Variants in FBXW11 observed in about 807,000 individuals in gnomAD.
FBXW11 encodes F-box/WD repeat-containing protein 11.
A neutral mutation model predicts 77.6 loss-of-function variants in FBXW11; 19 were observed. The ratio of observed to expected loss-of-function variants is 0.24; its 90% CI spans 0.17 to 0.36. The LOEUF (loss-of-function observed/expected upper bound fraction) is 0.36, where lower values mean the gene tolerates loss of function less well. FBXW11 is among the 10% of genes least tolerant of loss of function. The pLI is 1.00. For missense variants in FBXW11, 334 were observed against 704.2 expected (o/e 0.47, Z 5.95); for synonymous variants, 235 against 249.4 (o/e 0.94, Z 0.54).
At chr5:171,924,460 T>C (rs2114001577) in intron 2 of FBXW11, among the ~76,000 whole-genome samples, 1 of 152,290 alleles carries the variant, frequency 6.6e-6, no homozygotes, top group South Asian at 2.1e-4. Flanking sequence ...TGGGGGACTA[T>C]GCCCATTTTG....
In FBXW11 at chr5:171,910,633, A is replaced by G; in HGVS notation, c.375T>C (p.His125=). 6.2e-7 allele frequency: 1 copy of G among 1,614,040 alleles called. No homozygotes were observed. The highest frequency in any genetic ancestry group is 8.5e-7 in the Non-Finnish European group (1 of 1,179,948). The change falls in exon 4 of 14, where the codon CAT becomes CAC. Residue 125 remains histidine (H), a synonymous_variant. Coordinates refer to ENST00000517395, the MANE Select transcript of FBXW11 (RefSeq NM_001378974.1). The stretch of plus-strand genomic sequence containing the variant: ...GCTTCAGGTAAGAGTTAATATGTCC[A>G]TGCTGATAATGACACATTCGTGAAA... The part of the protein sequence containing the change: ...HLISRMCHYQ[H]GHINSYLKPM...
At chr5:171,938,484 T>C (rs922962873) in intron 2 of FBXW11, among the ~76,000 whole-genome samples, 2 of 152,230 alleles carry the variant, frequency 1.3e-5, no homozygotes, top group Admixed American at 6.5e-5. Context: ...TTGGCAAATA[T>C]GTAGAATTGA....
At chr5:171,912,987 G>A (rs1485537866) in intron 3 of FBXW11, among the ~76,000 whole-genome samples, 1 of 151,794 alleles carries the variant, frequency 6.6e-6, no homozygotes, top group Non-Finnish European at 1.5e-5. Flanking sequence ...GCAAGATCCA[G>A]GATTTTATAA....
At chr5:171,989,966 AAG>A (rs909613644) in intron 1 of FBXW11, among the ~76,000 whole-genome samples, 2 of 152,162 alleles carry the variant, frequency 1.3e-5, no homozygotes, top group African/African-American at 2.4e-5. Flanking sequence ...GTTTGAGACA[AAG>A]AGAGAGAAAC....
At chr5:171,992,640 T>C (rs1168561651) in intron 1 of FBXW11, among the ~76,000 whole-genome samples, 1 of 152,178 alleles carries the variant, frequency 6.6e-6, no homozygotes, top group East Asian at 1.9e-4. Flanking sequence ...CATTCCTTTA[T>C]GTTGCCATTC....
chr5:171,885,561 T>C (rs1334223629), intron 7 of FBXW11, among the ~76,000 whole-genome samples: 1 of 152,234 alleles, frequency 6.6e-6, no homozygotes, highest in African/African-American at 2.4e-5. Flanking sequence ...ATTTTTCAGT[T>C]TGTTCAGATT....
chr5:171,927,521 A>C (rs545956574), intron 2 of FBXW11, among the ~76,000 whole-genome samples: 1 of 152,344 alleles, frequency 6.6e-6, no homozygotes, highest in East Asian at 1.9e-4. Context: ...TTTTTTTAAA[A>C]AGGAAAAATC....
At chr5:171,894,613 A>G (rs2113858332) in intron 6 of FBXW11, among the ~76,000 whole-genome samples, 1 of 151,866 alleles carries the variant, frequency 6.6e-6, no homozygotes, top group Non-Finnish European at 1.5e-5. Context: ...CTTCCTGTCA[A>G]CTACGCCGGC....
intron 1 of FBXW11, among the ~76,000 whole-genome samples, chr5:171,972,620 C>T (rs945333886): frequency 6.6e-5 from 10 of 150,628 alleles, no homozygotes; most frequent in African/African-American, 2.2e-4. Flanking sequence ...TCTTGGCTCA[C>T]TGCAACCTCC....
rs539397399 is a variant in FBXW11 at position 171,948,130 on chromosome 5, G to A, written c.147+9467C>T. Among the ~76,000 whole-genome samples the A allele has an allele frequency of 6.2e-4, 94 of 151,170 alleles. 1 individual carries two copies. The highest frequency in any genetic ancestry group is 3.4e-3 in the Middle Eastern group (1 of 294). ...CGTGCCTGTAATCCCAGCTACTAGG[G>A]AGGCTGAGGCAGGAGAATCGCTTGA... On this transcript the variant is annotated intron_variant, in intron 2 of 13. Transcript: ENST00000517395.
intron 1 of FBXW11, chr5:171,996,985 TC>T: frequency 7.8e-7 from 1 of 1,289,818 alleles, no homozygotes; most frequent in Non-Finnish European, 1.0e-6. Flanking sequence ...TCAAGCATCT[TC>T]CAAGATTCTT....
chr5:171,869,189 C>G lies in FBXW11; in HGVS notation c.1531-393G>C, dbSNP rs984311963. The stretch of plus-strand genomic sequence containing the variant: ...TCAAATTGCTGCCAGCATCAAAATT[C>G]ATGGTGAAATAATAATATAAGAGTT... On this transcript the variant is annotated intron_variant, in intron 12 of 13. Coordinates refer to ENST00000517395, the MANE Select transcript of FBXW11 (RefSeq NM_001378974.1). This position sits in a 1 kb window ranked among gnomAD's most constrained non-coding sequence, Gnocchi z 4.1. Among the ~76,000 whole-genome samples, 1 of 152,182 alleles carries G rather than the reference C, an allele frequency of 6.6e-6. No homozygotes were observed. Among genetic ancestry groups the G allele is most frequent in the African/African-American group, 2.4e-5 (1 of 41,460 alleles).
At chr5:171,891,404 C>T (rs1759337923) in intron 7 of FBXW11, 63 bp downstream of exon 7, 9 of 1,434,210 alleles carry the variant, frequency 6.3e-6, no homozygotes, top group Non-Finnish European at 8.4e-6. Context: ...AAGATTGTCA[C>T]ATCTAGTGTC....
At chr5:171,933,130 CA>C (rs774171489) in intron 2 of FBXW11, among the ~76,000 whole-genome samples, 1,386 of 36,842 alleles carry the variant, frequency 0.038, 4 homozygotes, top group Non-Finnish European at 0.056. Flanking sequence ...GACCTTCTCT[CA>C]AAAAAAAAAA....
intron 2 of FBXW11, among the ~76,000 whole-genome samples, chr5:171,924,539 T>C (rs1761781604): frequency 6.6e-6 from 1 of 152,102 alleles, no homozygotes; most frequent in South Asian, 2.1e-4. Flanking sequence ...CCTCTGGTTG[T>C]GAGCATAACC....
At chr5:171,885,024 C>T (rs1397520210) in intron 7 of FBXW11, among the ~76,000 whole-genome samples, 3 of 152,168 alleles carry the variant, frequency 2.0e-5, no homozygotes, top group Non-Finnish European at 4.4e-5. Context: ...CTAGACTTCA[C>T]AAGTACTTCT....
At chr5:171,867,036 C>T (rs370113733) in intron 13 of FBXW11, among the ~76,000 whole-genome samples, 2 of 152,198 alleles carry the variant, frequency 1.3e-5, no homozygotes, top group African/African-American at 4.8e-5. Flanking sequence ...TTGGGGTCCA[C>T]GTGGGGTCCC....
intron 2 of FBXW11, among the ~76,000 whole-genome samples, chr5:171,940,761 G>A (rs1249092874): frequency 2.6e-5 from 4 of 151,920 alleles, no homozygotes; most frequent in South Asian, 2.1e-4. Flanking sequence ...GGTAGCACAC[G>A]CCTATAATCC....
At chr5:171,942,934 T>C (rs1762824663) in intron 2 of FBXW11, among the ~76,000 whole-genome samples, 2 of 152,346 alleles carry the variant, frequency 1.3e-5, no homozygotes, top group South Asian at 2.1e-4. Flanking sequence ...ATGTTTCTTT[T>C]GACAGTCTTT....
Sources: gnomAD v4.1 joint callset for allele counts (sites outside exome capture counted in the v4.1 genomes callset) on GRCh38, gnomAD v4.1.1 for gene constraint, Gnocchi (gnomAD v3.1) non-coding constraint, MANE v1.5 for transcripts, NCBI Gene and HGNC (gene_info 2026-07-23, HGNC 2026-07-21) for gene names.